The following ARB2A variants were observed in gnomAD, a reference collection of about 807,000 sequenced individuals.
ARB2A encodes the protein cotranscriptional regulator ARB2A.
chr5:93,987,533 C>A, the ARB2A span, among the ~76,000 whole-genome samples: 1 of 152,080 alleles, frequency 6.6e-6, no homozygotes, highest in Non-Finnish European at 1.5e-5. Context: ...CCATTTTTCC[C>A]CTTTAAACCT....
At chr5:93,873,205 T>C in the ARB2A span, among the ~76,000 whole-genome samples, 4 of 149,666 alleles carry the variant, frequency 2.7e-5, 1 homozygote. Context: ...GGCAGGAGGA[T>C]TGCTTGAGGC....
the ARB2A span, among the ~76,000 whole-genome samples, chr5:93,887,164 A>G: frequency 2.6e-5 from 4 of 151,710 alleles, no homozygotes; most frequent in South Asian, 8.3e-4. Flanking sequence ...GGGCTGATAG[A>G]GGTCAGGGTC....
At chr5:93,777,377 T>TA in the ARB2A span, among the ~76,000 whole-genome samples, 2 of 152,112 alleles carry the variant, frequency 1.3e-5, no homozygotes, top group East Asian at 3.8e-4. Flanking sequence ...CCTCCAATAT[T>TA]AAAAAATAGG....
At chr5:93,744,434 CAAAAAAA>C in the ARB2A span, among the ~76,000 whole-genome samples, 30 of 14,532 alleles carry the variant, frequency 2.1e-3, no homozygotes, top group South Asian at 4.6e-3. Context: ...GACTCAGTCT[CAAAAAAA>C]AAAAAAAAAA....
the ARB2A span, among the ~76,000 whole-genome samples, chr5:93,639,905 C>T: frequency 6.6e-6 from 1 of 151,088 alleles, no homozygotes; most frequent in Non-Finnish European, 1.5e-5. Context: ...ATTAGCTGGG[C>T]ATGGTGGCGG....
At chr5:93,964,575 A>G in the ARB2A span, 1 of 1,375,122 alleles carries the variant, frequency 7.3e-7, no homozygotes, top group Non-Finnish European at 1.0e-6. Context: ...CATTATCAAA[A>G]CTGACATAAA....
the ARB2A span, chr5:93,784,168 A>G: frequency 8.5e-6 from 4 of 469,922 alleles, no homozygotes; most frequent in Non-Finnish European, 1.5e-5. Context: ...GTTCTATAGA[A>G]AACCAAAAAG....
the ARB2A span, chr5:93,784,207 G>A: frequency 5.6e-6 from 3 of 532,858 alleles, no homozygotes; most frequent in South Asian, 2.6e-5. Context: ...AAAATATTAG[G>A]TCTTCACATG....
the ARB2A span, among the ~76,000 whole-genome samples, chr5:93,854,183 T>C: frequency 6.6e-6 from 1 of 152,194 alleles, no homozygotes; most frequent in Admixed American, 6.5e-5. Flanking sequence ...GATTTAGTCT[T>C]GGGAGGGTGT....
At chr5:93,677,966 T>C in the ARB2A span, among the ~76,000 whole-genome samples, 1 of 152,184 alleles carries the variant, frequency 6.6e-6, no homozygotes, top group Non-Finnish European at 1.5e-5. Flanking sequence ...GAGTGGATAC[T>C]GAGTGAGCAT....
At chr5:93,832,307 T>A in the ARB2A span, among the ~76,000 whole-genome samples, 1 of 152,112 alleles carries the variant, frequency 6.6e-6, no homozygotes, top group Non-Finnish European at 1.5e-5. Context: ...TTGCAATAAC[T>A]CCATAGGTAT....
the ARB2A span, among the ~76,000 whole-genome samples, chr5:93,665,633 C>T: frequency 5.8e-4 from 88 of 152,314 alleles, no homozygotes; most frequent in East Asian, 9.4e-3. Context: ...GGGTCAGGCA[C>T]ATGGCATTCT....
At chr5:93,763,022 G>T in the ARB2A span, among the ~76,000 whole-genome samples, 2 of 152,056 alleles carry the variant, frequency 1.3e-5, no homozygotes, top group African/African-American at 4.8e-5. Flanking sequence ...GTCACCAACT[G>T]CCCTAAAAGA....
the ARB2A span, among the ~76,000 whole-genome samples, chr5:93,886,031 C>T: frequency 5.9e-5 from 9 of 151,578 alleles, no homozygotes; most frequent in Non-Finnish European, 1.0e-4. Flanking sequence ...AGTACAAAAA[C>T]GCACTTATCA....
chr5:93,907,890 AT>A, the ARB2A span, among the ~76,000 whole-genome samples: 1 of 151,326 alleles, frequency 6.6e-6, no homozygotes. Flanking sequence ...ATACTCAAAA[AT>A]TTCTTTAGTA....
the ARB2A span, among the ~76,000 whole-genome samples, chr5:93,775,020 A>G: frequency 6.6e-6 from 1 of 152,110 alleles, no homozygotes; most frequent in Non-Finnish European, 1.5e-5. Context: ...ACATATATAC[A>G]TATGTGCATG....
chr5:93,854,890 T>C, the ARB2A span, among the ~76,000 whole-genome samples: 2 of 152,192 alleles, frequency 1.3e-5, no homozygotes, highest in African/African-American at 4.8e-5. Context: ...ATGTGGTCAA[T>C]TTTGGAATAG....
the ARB2A span, among the ~76,000 whole-genome samples, chr5:93,682,581 G>C: frequency 6.9e-6 from 1 of 144,754 alleles, no homozygotes; most frequent in Non-Finnish European, 1.5e-5. Flanking sequence ...CCATTTCCAT[G>C]TCTGACCACC....
At chr5:93,681,845 G>C in the ARB2A span, among the ~76,000 whole-genome samples, 1 of 152,136 alleles carries the variant, frequency 6.6e-6, no homozygotes, top group African/African-American at 2.4e-5. Context: ...TCTAAACCAG[G>C]AGTCCAAATG....
Sources: gnomAD v4.1 joint callset for allele counts (sites outside exome capture counted in the v4.1 genomes callset) on GRCh38, gnomAD v4.1.1 for gene constraint, MANE v1.5 for transcripts, NCBI Gene and HGNC (gene_info 2026-07-23, HGNC 2026-07-21) for gene names.